The following STXBP5L variants were observed in gnomAD, a reference collection of about 807,000 sequenced individuals.
STXBP5L encodes syntaxin binding protein 5L.
A neutral mutation model predicts 144.5 loss-of-function variants in STXBP5L; 65 were observed. The observed-to-expected ratio is 0.45, with a 90% confidence interval of 0.37 to 0.55. The LOEUF is 0.55. Ranked by LOEUF, STXBP5L falls within the 20% of genes least tolerant of loss-of-function variation. The pLI, the probability that STXBP5L is intolerant of heterozygous loss-of-function variation, is 0.00. For synonymous variants in STXBP5L, 505 were observed against 469.6 expected, an observed-to-expected ratio of 1.08 and a Z score of -0.97; for missense variants, 1,298 against 1,405.5, an observed-to-expected ratio of 0.92 and a Z score of 1.22.
At chr3:121,055,876 A>G (rs571954594) in intron 5 of STXBP5L, among the ~76,000 whole-genome samples, 2 of 132,570 alleles carry the variant, frequency 1.5e-5, no homozygotes, top group Non-Finnish European at 3.2e-5. Context: ...TTTTTTTTGT[A>G]GAAACAGATT....
intron 5 of STXBP5L, among the ~76,000 whole-genome samples, chr3:121,094,253 T>G (rs1042548941): frequency 1.3e-5 from 2 of 152,158 alleles, no homozygotes; most frequent in African/African-American, 4.8e-5. Flanking sequence ...ATTCTGTTGA[T>G]TTGGGGTGGA....
chr3:121,008,038 A>G (rs1210818292), intron 3 of STXBP5L, among the ~76,000 whole-genome samples: 1 of 151,868 alleles, frequency 6.6e-6, no homozygotes, highest in Non-Finnish European at 1.5e-5. Flanking sequence ...ACCGTTTTTT[A>G]TAGATTTTCC....
In STXBP5L at chr3:120,976,874, C is replaced by A. The variant is rs1313605541; in HGVS notation, c.287+21837C>A. On this transcript the variant is annotated intron_variant, in intron 3 of 26. Transcript: ENST00000471454. ...GCGGTTTTGAGTGAGTTTCTTAACCCTGAGTTTTAGTTTGATTGCACTGTG... is the reference window on the plus strand; with the variant it reads ...GCGGTTTTGAGTGAGTTTCTTAACCATGAGTTTTAGTTTGATTGCACTGTG... Among the ~76,000 whole-genome samples, 3 of 152,116 alleles carry A rather than the reference C, an allele frequency of 2.0e-5. No individual in the cohort carries two copies. In the East Asian group the frequency reaches 5.8e-4, roughly 29 times the overall value.
intron 7 of STXBP5L, among the ~76,000 whole-genome samples, chr3:121,139,944 C>A (rs367725473): frequency 2.0e-5 from 3 of 151,900 alleles, no homozygotes; most frequent in East Asian, 3.9e-4. Flanking sequence ...GGGACTCAGA[C>A]AACTCACCAT....
At chr3:121,206,042 A>G (rs770202798) in intron 10 of STXBP5L, 41 bp downstream of exon 10, 4 of 1,265,840 alleles carry the variant, frequency 3.2e-6, no homozygotes, top group South Asian at 1.8e-5. Context: ...TACGAAGCAG[A>G]GACAAAAAAT....
chr3:121,187,410 G>T (rs1415688592), intron 9 of STXBP5L, among the ~76,000 whole-genome samples: 1 of 138,226 alleles, frequency 7.2e-6, no homozygotes, highest in Admixed American at 7.2e-5. Context: ...GTAGGGTGGG[G>T]GGAGCGGGGA....
chr3:121,307,822 A>G (rs551730048), intron 19 of STXBP5L, among the ~76,000 whole-genome samples: 1 of 152,290 alleles, frequency 6.6e-6, no homozygotes, highest in Admixed American at 6.5e-5. Flanking sequence ...ACATCCAAGA[A>G]GCTCCATGAA....
chr3:121,223,145 C>A lies in STXBP5L; in HGVS notation c.1099C>A (p.Pro367Thr). 4 of 1,594,840 alleles carry A rather than the reference C, an allele frequency of 2.5e-6. No individual in the cohort carries two copies. Among genetic ancestry groups the A allele is most frequent in the Non-Finnish European group, 2.6e-6 (3 of 1,174,534 alleles). ...IVEFLTLCET[P>T]YPNEFQEPYA... ...TGAATTTCTAACTTTATGTGAAACG[C>A]CCTATCCAAATGGTAAGTAACTAAA... Residue 367 changes from proline to threonine, a missense_variant, in exon 11 of 27, where the codon CCC becomes ACC. Transcript: ENST00000471454.
At chr3:121,007,764 G>A (rs1046925694) in intron 3 of STXBP5L, among the ~76,000 whole-genome samples, 2 of 151,928 alleles carry the variant, frequency 1.3e-5, no homozygotes, top group African/African-American at 2.4e-5. Flanking sequence ...TGTAGTTGAA[G>A]GTTACCCTGC....
At chr3:121,151,059 C>G (rs2045914997) in intron 7 of STXBP5L, among the ~76,000 whole-genome samples, 1 of 151,816 alleles carries the variant, frequency 6.6e-6, no homozygotes, top group Non-Finnish European at 1.5e-5. Context: ...TGCACTCCAC[C>G]CTGGGTGGCA....
intron 5 of STXBP5L, among the ~76,000 whole-genome samples, chr3:121,053,950 CA>C (rs1251479371): frequency 6.6e-6 from 1 of 152,110 alleles, no homozygotes; most frequent in African/African-American, 2.4e-5. Flanking sequence ...AGACACTTCT[CA>C]AAAGAAGACA....
At chr3:121,117,160 T>G (rs1023085039) in intron 6 of STXBP5L, among the ~76,000 whole-genome samples, 4 of 151,852 alleles carry the variant, frequency 2.6e-5, no homozygotes, top group Non-Finnish European at 5.9e-5. Context: ...AAAATGTATA[T>G]TATAAGGGAG....
chr3:120,975,317 A>T (rs895556868), intron 3 of STXBP5L, among the ~76,000 whole-genome samples: 3 of 152,056 alleles, frequency 2.0e-5, no homozygotes, highest in African/African-American at 7.3e-5. Flanking sequence ...TGTGAATGGG[A>T]GTTCACTCAT....
At chr3:121,082,660 G>T (rs2042306732) in intron 5 of STXBP5L, among the ~76,000 whole-genome samples, 1 of 152,156 alleles carries the variant, frequency 6.6e-6, no homozygotes, top group Admixed American at 6.5e-5. Flanking sequence ...GTAAGCAGGA[G>T]GGACATGACA....
chr3:120,941,631 C>T (rs1019761624), intron 2 of STXBP5L, among the ~76,000 whole-genome samples: 1 of 151,596 alleles, frequency 6.6e-6, no homozygotes, highest in Admixed American at 6.6e-5. Context: ...TACTTTATTA[C>T]AATTATTTAC....
intron 20 of STXBP5L, among the ~76,000 whole-genome samples, chr3:121,327,245 G>A (rs897230860): frequency 1.3e-5 from 2 of 152,160 alleles, no homozygotes; most frequent in African/African-American, 4.8e-5. Flanking sequence ...AAACCATAAT[G>A]TAATGCCTGC....
chr3:121,062,939 A>T (rs1407487645), intron 5 of STXBP5L, among the ~76,000 whole-genome samples: 1 of 152,180 alleles, frequency 6.6e-6, no homozygotes, highest in African/African-American at 2.4e-5. Context: ...GCTTCCTTGC[A>T]TTGGGTTAAA....
At chr3:121,353,283 T>A (rs2045372871) in intron 20 of STXBP5L, among the ~76,000 whole-genome samples, 1 of 152,210 alleles carries the variant, frequency 6.6e-6, no homozygotes, top group Non-Finnish European at 1.5e-5. Flanking sequence ...GTACCTCTGG[T>A]AGAATTTGTC....
At chr3:121,342,433 G>C (rs1437707330) in intron 20 of STXBP5L, among the ~76,000 whole-genome samples, 2 of 151,378 alleles carry the variant, frequency 1.3e-5, no homozygotes, top group African/African-American at 2.4e-5. Context: ...TGCCATGCTG[G>C]TGCGCTGCAC....
Sources: allele counts gnomAD v4.1 joint callset (sites outside exome capture counted in the v4.1 genomes callset), GRCh38; gene constraint gnomAD v4.1.1; transcripts MANE v1.5; gene names NCBI Gene and HGNC (gene_info 2026-07-23, HGNC 2026-07-21).